The following ZNF224 variants were observed in gnomAD, a reference collection of about 807,000 sequenced individuals.
ZNF224 encodes the protein bone marrow zinc finger 2.
Under a neutral mutation model 10.5 loss-of-function variants are expected in ZNF224, and 8 were observed. That is an observed-to-expected ratio of 0.76 (90% confidence interval 0.45 to 1.37). ZNF224 has a LOEUF of 1.37. Among genes scored for constraint, ZNF224 ranks in the 40% most tolerant of loss-of-function variants. ZNF224 has a pLI of 0.00. For missense variants in ZNF224, 754 were observed against 854.0 expected (o/e 0.88, Z 1.46); for synonymous variants, 282 against 287.8 (o/e 0.98, Z 0.20).
In ZNF224 at chr19:44,107,689, A is replaced by T; in HGVS notation, c.1529A>T (p.Lys510Met). ...CATCAGAGAGTTCACACTGGAGAAA[A>T]GCCATACAAATGTGAGAAGTGTGGA... ...HSHQRVHTGE[K>M]PYKCEKCGKG... The change falls in exon 6 of 6, where the codon AAG (lysine) becomes ATG (methionine). Residue 510 changes from lysine to methionine, a missense_variant. Physicochemically the swap from Lys to Met is moderately conservative, Grantham distance 95. Transcript: ENST00000693561. 6.2e-7 allele frequency: 1 copy of T among 1,614,078 alleles called. No individual in the cohort carries two copies. Among genetic ancestry groups the T allele is most frequent in the Non-Finnish European group, 8.5e-7 (1 of 1,180,028 alleles).
intron 5 of ZNF224, 126 bp from the exon 6 acceptor site, chr19:44,106,270 C>T (rs1404673386): frequency 2.9e-6 from 3 of 1,019,070 alleles, no homozygotes; most frequent in Admixed American, 2.8e-5. Context: ...TTATGGTGCA[C>T]TTGAAAAATA....
In ZNF224 at chr19:44,100,406, C is replaced by T. The variant is rs535770358; in HGVS notation, c.16-395C>T. 2.6e-5 allele frequency among the ~76,000 whole-genome samples: 4 copies of T among 152,190 alleles called. No homozygotes were observed. The East Asian group carries it at 5.8e-4, about 22-fold the overall frequency. ...AAGAAAAACAATAACATCCAGGGTT[C>T]GAGTTTGAGAGAGGAAGACAATGGG... On this transcript the variant is annotated intron_variant, in intron 3 of 5. Transcript: ENST00000693561.
At position 44,106,183 on chromosome 19, in the gene ZNF224, T is replaced by C. The variant is rs1176918850; in HGVS notation, c.236-213T>C. ...ACACCCATGTCAACATCTATTGTTTTTCGTCTTTTATTTCTATCAAGTATT... is the reference window on the plus strand; with the variant it reads ...ACACCCATGTCAACATCTATTGTTTCTCGTCTTTTATTTCTATCAAGTATT... On this transcript the variant is annotated intron_variant, in intron 5 of 5. Coordinates refer to ENST00000693561, the MANE Select transcript of ZNF224 (RefSeq NM_001321645.3). 8.6e-6 allele frequency: 5 copies of C among 582,324 alleles called. No individual in the cohort carries two copies. The East Asian group carries it at 1.2e-4, about 14-fold the overall frequency. 36.1% of individuals were successfully genotyped at this position (582,324 alleles called of 1,614,324 possible).
Position 44,097,889 on chromosome 19 carries a change from G to A in ZNF224, c.15+1G>A. The stretch of plus-strand genomic sequence containing the variant: ...AAGAGGGAAAATGACCACGTTCAAG[G>A]TGGGTAGGACTTGCTTCTATTACTC... On this transcript the variant is annotated splice_donor_variant, in intron 3 of 5. Coordinates refer to ENST00000693561, the MANE Select transcript of ZNF224 (RefSeq NM_001321645.3). LOFTEE classifies it high-confidence loss of function. 6.2e-7 allele frequency: 1 copy of A among 1,613,988 alleles called. No individual in the cohort carries two copies. Among genetic ancestry groups the A allele is most frequent in the Non-Finnish European group, 8.5e-7 (1 of 1,179,966 alleles).
At chr19:44,106,371 A>T in intron 5 of ZNF224, 25 bp from the exon 6 acceptor site, 2 of 1,612,910 alleles carry the variant, frequency 1.2e-6, no homozygotes, top group Non-Finnish European at 1.7e-6. Flanking sequence ...ACTTGTCCTC[A>T]TCTTTTAATT....
intron 3 of ZNF224, among the ~76,000 whole-genome samples, chr19:44,098,434 G>T (rs1338035921): frequency 2.0e-5 from 3 of 152,126 alleles, no homozygotes; most frequent in African/African-American, 7.2e-5. Flanking sequence ...CTGTAACTGT[G>T]GCTTCACACA....
intron 3 of ZNF224, among the ~76,000 whole-genome samples, chr19:44,099,173 G>A (rs1045657834): frequency 6.6e-6 from 1 of 152,168 alleles, no homozygotes; most frequent in African/African-American, 2.4e-5. Flanking sequence ...GATGTCCACA[G>A]GTGGCATCGC....
chr19:44,103,882 G>C (rs1967595670), intron 5 of ZNF224, among the ~76,000 whole-genome samples: 1 of 152,010 alleles, frequency 6.6e-6, no homozygotes, highest in African/African-American at 2.4e-5. Flanking sequence ...GTAGAGACAG[G>C]GTTTCACCAT....
Position 44,106,466 on chromosome 19 carries a change from A to C in ZNF224, c.306A>C (p.Gln102His), listed in dbSNP as rs745972281. The C allele has an allele frequency of 6.2e-7, 1 of 1,614,192 alleles. No homozygotes were observed. The highest frequency in any genetic ancestry group is 1.1e-5 in the South Asian group (1 of 91,088). Residue 102 changes from glutamine (Q) to histidine (H), a missense_variant, in exon 6 of 6, where the codon CAA becomes CAC. By Grantham distance (24) the Gln-to-His change is conservative (BLOSUM62 0). Coordinates refer to ENST00000693561, the MANE Select transcript of ZNF224 (RefSeq NM_001321645.3). ...CACATCAAGAGTGGTCCTTCCAGCAAATCTGGGAAAAAATTGCAAGTGATT... is the reference window on the plus strand; with the variant it reads ...CACATCAAGAGTGGTCCTTCCAGCACATCTGGGAAAAAATTGCAAGTGATT... ...AGTHQEWSFQQIWEKIASDLT... is the reference protein window; with the variant it reads ...AGTHQEWSFQHIWEKIASDLT...
intron 5 of ZNF224, among the ~76,000 whole-genome samples, chr19:44,101,960 T>C (rs1016094468): frequency 1.3e-5 from 2 of 152,176 alleles, no homozygotes; most frequent in Non-Finnish European, 2.9e-5. Flanking sequence ...TCCCTTGTAA[T>C]TGTTTTGATC....
Position 44,107,327 on chromosome 19 carries a change from A to C in ZNF224, c.1167A>C (p.Lys389Asn), listed in dbSNP as rs1352674299. 2 of 1,585,452 alleles carry C rather than the reference A, an allele frequency of 1.3e-6. No homozygotes were observed. The highest frequency in any genetic ancestry group is 2.2e-5 in the East Asian group (1 of 44,730). Reference sequence around the variant, plus strand: ...TCAGATGGGCCTCGTGTCTTTTGAAACATCAGCGAGTCCACAGTGGAGAAA... The same window carrying C: ...TCAGATGGGCCTCGTGTCTTTTGAACCATCAGCGAGTCCACAGTGGAGAAA... Reference protein sequence around the residue: ...KSFRWASCLLKHQRVHSGEKP... With the variant: ...KSFRWASCLLNHQRVHSGEKP... The change falls in exon 6 of 6, where the codon AAA becomes AAC. Residue 389 changes from lysine (K) to asparagine (N), a missense_variant. Coordinates refer to ENST00000693561, the MANE Select transcript of ZNF224 (RefSeq NM_001321645.3).
rs774511247 is a variant in ZNF224, at chr19:44,101,236, A to G, written c.235+11A>G. On this transcript the variant is annotated intron_variant, in intron 5 of 5. Transcript: ENST00000693561. ...GGGAAGGGAATTCAGGTAAGAATCAAGCAACTGTGAATCCCTGTATGTCTC... is the reference window on the plus strand; with the variant it reads ...GGGAAGGGAATTCAGGTAAGAATCAGGCAACTGTGAATCCCTGTATGTCTC... 6.2e-7 allele frequency: 1 copy of G among 1,611,778 alleles called. No homozygotes were observed.
Position 44,107,221 on chromosome 19 carries a change from T to C in ZNF224, c.1061T>C (p.Ile354Thr). 6.2e-7 allele frequency: 1 copy of C among 1,600,922 alleles called. No homozygotes were observed. ...YKCEECGKGF[I>T]CRRDLYTHHM... ...TGTGAGGAGTGTGGAAAAGGCTTTATTTGTAGGCGAGATCTTTATACGCAT... is the reference window on the plus strand; with the variant it reads ...TGTGAGGAGTGTGGAAAAGGCTTTACTTGTAGGCGAGATCTTTATACGCAT... The change falls in exon 6 of 6, where the codon ATT becomes ACT. Residue 354 changes from isoleucine (I) to threonine (T), a missense_variant. Transcript: ENST00000693561.
intron 2 of ZNF224, chr19:44,097,101 T>A: frequency 9.0e-6 from 2 of 223,090 alleles, no homozygotes; most frequent in South Asian, 5.4e-5. Flanking sequence ...TTAAAAAAAA[T>A]TGAAAAGAAT....
intron 5 of ZNF224, among the ~76,000 whole-genome samples, chr19:44,105,161 T>C (rs1967629524): frequency 6.6e-6 from 1 of 152,194 alleles, no homozygotes; most frequent in Non-Finnish European, 1.5e-5. Context: ...ATCATATTGT[T>C]TCACTTTCCA....
At position 44,108,640 on chromosome 19, in the gene ZNF224, A is replaced by G. The variant is rs1967757460; in HGVS notation, c.*356A>G. 5.9e-6 allele frequency: 3 copies of G among 504,230 alleles called. No homozygotes were observed. The highest frequency in any genetic ancestry group is 2.0e-5 in the Admixed American group (1 of 49,694). 31.2% of individuals were successfully genotyped at this position (504,230 alleles called of 1,614,324 possible). On this transcript the variant is annotated 3_prime_UTR_variant, in exon 6 of 6. Transcript: ENST00000693561. ...AAGAGTAAGAGTTCATGAATTTACC[A>G]GACTAATGGTGGACATGTCCAAATT...
At chr19:44,100,172 G>A (rs796602219) in intron 3 of ZNF224, among the ~76,000 whole-genome samples, 11 of 152,270 alleles carry the variant, frequency 7.2e-5, no homozygotes, top group African/African-American at 2.6e-4. Flanking sequence ...TATATAGAGA[G>A]GAAAGTAATG....
intron 5 of ZNF224, among the ~76,000 whole-genome samples, chr19:44,103,950 C>CA (rs1967596902): frequency 6.6e-6 from 1 of 152,192 alleles, no homozygotes; most frequent in Non-Finnish European, 1.5e-5. Flanking sequence ...CTTGGCCTCT[C>CA]AAAGTGCTGA....
chr19:44,096,593 ATTACCTAACTTCATGTTATGTACTC>A, intron 2 of ZNF224, among the ~76,000 whole-genome samples, 162 bp downstream of exon 2: 1 of 152,328 alleles, frequency 6.6e-6, no homozygotes, highest in South Asian at 2.1e-4. Flanking sequence ...TAGATAACAT[ATTACCTAACTTCATGTTATGTACTC>A]TGCAGTTCTA....
Sources: allele counts gnomAD v4.1 joint callset (sites outside exome capture counted in the v4.1 genomes callset), GRCh38; gene constraint gnomAD v4.1.1; transcripts MANE v1.5; gene names NCBI Gene and HGNC (gene_info 2026-07-23, HGNC 2026-07-21).